TAFA5: variants seen among roughly 807,000 people sequenced by gnomAD.
TAFA5 encodes the protein TAFA chemokine like family member 5.
TAFA5 carries 6 observed loss-of-function variants against 15.3 expected under a neutral mutation model. The observed-to-expected ratio is 0.39, with a 90% confidence interval of 0.21 to 0.77. TAFA5 has a LOEUF of 0.77. Ranked by LOEUF, TAFA5 falls within the 30% of genes least tolerant of loss-of-function variation. The probability of loss-of-function intolerance (pLI) is 0.41; values close to 1 mark genes in which losing one functional copy is unlikely to be tolerated. For missense variants in TAFA5, 161 were observed against 193.1 expected (o/e 0.83, Z 0.98); for synonymous variants, 103 against 80.7 (o/e 1.28, Z -1.48).
chr22:48,728,055 A>G (rs1454399567), intron 3 of TAFA5, among the ~76,000 whole-genome samples: 1 of 152,260 alleles, frequency 6.6e-6, no homozygotes, highest in African/African-American at 2.4e-5. Context: ...CAGTGCATAG[A>G]TCTTTTGAAT....
chr22:48,706,057 G>T (rs935236056), intron 2 of TAFA5, among the ~76,000 whole-genome samples: 9 of 152,248 alleles, frequency 5.9e-5, no homozygotes, highest in Non-Finnish European at 1.2e-4. Flanking sequence ...GGGGCTGGGG[G>T]CCATGGGGGC....
chr22:48,516,471 C>T (rs133501), intron 1 of TAFA5, among the ~76,000 whole-genome samples: 114,538 of 152,084 alleles, frequency 0.75, 44,413 homozygotes, highest in Middle Eastern at 0.91. Context: ...ACATTCGCTG[C>T]TGAACGAAAT....
chr22:48,587,442 TGTGGGCTGCAGGCGGGTCGGG>T (rs1924402494), intron 1 of TAFA5, among the ~76,000 whole-genome samples: 1 of 151,986 alleles, frequency 6.6e-6, no homozygotes, highest in Admixed American at 6.5e-5. Context: ...GCAGTCCAGG[TGTGGGCTGCAGGCGGGTCGGG>T]GTGGGCTGCA....
At chr22:48,692,834 G>A (rs543629396) in intron 2 of TAFA5, among the ~76,000 whole-genome samples, 5 of 152,314 alleles carry the variant, frequency 3.3e-5, no homozygotes, top group Admixed American at 2.0e-4. Context: ...CTCAGTCACC[G>A]ACCTCAGGCC....
intron 1 of TAFA5, chr22:48,543,350 G>C (rs1048144411): frequency 6.6e-6 from 1 of 152,112 alleles, no homozygotes; most frequent in Admixed American, 6.5e-5. Flanking sequence ...GTGTAATCAC[G>C]GCAATGAAGC....
At chr22:48,615,439 C>G (rs899247328) in intron 1 of TAFA5, among the ~76,000 whole-genome samples, 2 of 152,214 alleles carry the variant, frequency 1.3e-5, no homozygotes, top group Non-Finnish European at 2.9e-5. Flanking sequence ...GACGCTCTGT[C>G]CGTGTTCCTC....
At chr22:48,717,572 G>T (rs1929439705) in intron 3 of TAFA5, among the ~76,000 whole-genome samples, 2 of 152,250 alleles carry the variant, frequency 1.3e-5, no homozygotes, top group Admixed American at 1.3e-4. Context: ...AATGCCCTGA[G>T]GCTCCAGCGT....
At chr22:48,582,600 A>G (rs1405935553) in intron 1 of TAFA5, among the ~76,000 whole-genome samples, 2 of 150,352 alleles carry the variant, frequency 1.3e-5, no homozygotes, top group East Asian at 2.0e-4. Context: ...CACAAAATAC[A>G]CCACACGCCA....
At chr22:48,699,550 C>T (rs1222265197) in intron 2 of TAFA5, among the ~76,000 whole-genome samples, 2 of 152,116 alleles carry the variant, frequency 1.3e-5, no homozygotes, top group Non-Finnish European at 2.9e-5. Context: ...GTGAGCTCTG[C>T]TCTTACATAC....
intron 1 of TAFA5, among the ~76,000 whole-genome samples, chr22:48,495,702 C>T (rs898263432): frequency 2.0e-5 from 3 of 152,234 alleles, no homozygotes; most frequent in Admixed American, 2.0e-4. Flanking sequence ...GCTCTCCCTC[C>T]TGAATGTAGC....
intron 1 of TAFA5, among the ~76,000 whole-genome samples, chr22:48,610,668 T>A (rs968438352): frequency 1.3e-5 from 2 of 151,704 alleles, no homozygotes; most frequent in South Asian, 4.2e-4. Context: ...GCTGTCAGCG[T>A]TGGGCCGTGT....
intron 2 of TAFA5, among the ~76,000 whole-genome samples, chr22:48,695,896 A>T (rs186710256): frequency 1.3e-3 from 195 of 152,298 alleles, no homozygotes; most frequent in African/African-American, 4.2e-3. Context: ...TCCCTAGTGT[A>T]GGGCTTTCAA....
intron 1 of TAFA5, among the ~76,000 whole-genome samples, chr22:48,561,605 T>C (rs1380052926): frequency 6.6e-6 from 1 of 152,182 alleles, no homozygotes; most frequent in Non-Finnish European, 1.5e-5. Flanking sequence ...AGGGCTGGAA[T>C]GCTTGGCTTT....
intron 2 of TAFA5, among the ~76,000 whole-genome samples, chr22:48,670,142 G>A (rs962543853): frequency 1.3e-5 from 2 of 152,180 alleles, no homozygotes; most frequent in Non-Finnish European, 2.9e-5. Flanking sequence ...ACAGCTCTCC[G>A]GGCTGTGCGT....
At chr22:48,632,781 G>A (rs1348679607) in intron 1 of TAFA5, among the ~76,000 whole-genome samples, 3 of 152,174 alleles carry the variant, frequency 2.0e-5, no homozygotes, top group African/African-American at 4.8e-5. Flanking sequence ...AGGCCTCCTC[G>A]TCATCCCTGC....
intron 1 of TAFA5, among the ~76,000 whole-genome samples, chr22:48,565,456 T>A (rs1196367672): frequency 1.3e-5 from 2 of 152,222 alleles, no homozygotes; most frequent in African/African-American, 4.8e-5. Context: ...AATGTGTACA[T>A]AAATATTCAG....
chr22:48,632,702 A>G (rs1390477789), intron 1 of TAFA5, among the ~76,000 whole-genome samples: 1 of 152,148 alleles, frequency 6.6e-6, no homozygotes, highest in Non-Finnish European at 1.5e-5. Flanking sequence ...GAGGTTTTTC[A>G]GTCATGGATG....
chr22:48,542,666 GTGTGTGATGTT>G (rs1222149407), intron 1 of TAFA5, among the ~76,000 whole-genome samples: 2 of 145,726 alleles, frequency 1.4e-5, no homozygotes, highest in East Asian at 2.1e-4. Flanking sequence ...TGTGTGGTGT[GTGTGTGATGTT>G]TGTGTGGTGT....
chr22:48,738,493 G>C (rs1049178150), intron 3 of TAFA5, among the ~76,000 whole-genome samples: 1 of 152,054 alleles, frequency 6.6e-6, no homozygotes, highest in Non-Finnish European at 1.5e-5. Context: ...GTCTCATCTC[G>C]CTGCCTCTGG....
Sources: allele counts gnomAD v4.1 joint callset (sites outside exome capture counted in the v4.1 genomes callset), GRCh38; gene constraint gnomAD v4.1.1; transcripts MANE v1.5; gene names NCBI Gene and HGNC (gene_info 2026-07-23, HGNC 2026-07-21).